MARCHF1: variants seen among roughly 807,000 people sequenced by gnomAD.
MARCHF1 encodes E3 ubiquitin-protein ligase MARCHF1.
Under a neutral mutation model 54.2 loss-of-function variants are expected in MARCHF1, and 40 were observed. That is an observed-to-expected ratio of 0.74 (90% confidence interval 0.57 to 0.96). The LOEUF is 0.96. MARCHF1 is among the 40% of genes least tolerant of loss of function. The pLI, the probability that MARCHF1 is intolerant of heterozygous loss-of-function variation, is 0.00. For missense variants in MARCHF1, 586 were observed against 656.5 expected (o/e 0.89, Z 1.17); for synonymous variants, 236 against 236.3 (o/e 1.00, Z 0.01).
chr4:163,869,967 A>G (rs1036068156), intron 3 of MARCHF1, among the ~76,000 whole-genome samples: 1 of 152,082 alleles, frequency 6.6e-6, no homozygotes, highest in Non-Finnish European at 1.5e-5. Flanking sequence ...AAAATAGTGA[A>G]CTCTCCTGAG....
chr4:164,034,100 T>C (rs914004810), intron 2 of MARCHF1, among the ~76,000 whole-genome samples: 1 of 146,312 alleles, frequency 6.8e-6, no homozygotes, highest in African/African-American at 2.5e-5. Flanking sequence ...GATAGATAGA[T>C]AGATAGATAG....
chr4:164,099,718 A>G (rs986615247), intron 2 of MARCHF1, among the ~76,000 whole-genome samples: 1 of 152,204 alleles, frequency 6.6e-6, no homozygotes, highest in Non-Finnish European at 1.5e-5. Flanking sequence ...TCATGCTTAA[A>G]AAAACCTTTT....
At chr4:163,735,851 T>C (rs41412944) in intron 4 of MARCHF1, among the ~76,000 whole-genome samples, 3,775 of 152,226 alleles carry the variant, frequency 0.025, 159 homozygotes, top group African/African-American at 0.085. Flanking sequence ...AGGATTGGAG[T>C]CTTAAACTAT....
intron 1 of MARCHF1, among the ~76,000 whole-genome samples, chr4:164,246,817 CA>C (rs1732962435): frequency 7.8e-6 from 1 of 128,994 alleles, no homozygotes; most frequent in Non-Finnish European, 1.6e-5. Context: ...AGACACTTCT[CA>C]AAAGAAGACA....
chr4:163,760,722 A>AT (rs1019456388), intron 4 of MARCHF1, among the ~76,000 whole-genome samples: 1 of 152,088 alleles, frequency 6.6e-6, no homozygotes, highest in Non-Finnish European at 1.5e-5. Context: ...AAAAAGCAGT[A>AT]TTTTTTTAAA....
At chr4:164,304,326 A>G (rs556192545) in intron 1 of MARCHF1, among the ~76,000 whole-genome samples, 2 of 152,314 alleles carry the variant, frequency 1.3e-5, no homozygotes, top group Admixed American at 6.5e-5. Context: ...AATCAATCCA[A>G]TAATGTAAAC....
chr4:164,070,750 CTATT>C (rs1560890176), intron 2 of MARCHF1, among the ~76,000 whole-genome samples: 1 of 152,204 alleles, frequency 6.6e-6, no homozygotes, highest in Non-Finnish European at 1.5e-5. Flanking sequence ...GTTACGCAGT[CTATT>C]TATATCAGGT....
intron 1 of MARCHF1, among the ~76,000 whole-genome samples, chr4:164,175,096 C>G (rs896849517): frequency 1.1e-4 from 16 of 152,256 alleles, no homozygotes; most frequent in African/African-American, 3.9e-4. Context: ...CTACACAAAC[C>G]TCAACCTATT....
chr4:163,775,427 C>T (rs963367963), intron 4 of MARCHF1, among the ~76,000 whole-genome samples: 13 of 152,064 alleles, frequency 8.5e-5, no homozygotes, highest in African/African-American at 2.9e-4. Context: ...TACCATGTCC[C>T]CTATGCTTAG....
At chr4:164,231,592 A>ATGAAGGAG (rs1319197950) in intron 1 of MARCHF1, among the ~76,000 whole-genome samples, 1 of 152,138 alleles carries the variant, frequency 6.6e-6, no homozygotes, top group African/African-American at 2.4e-5. Flanking sequence ...AGAAAACAGA[A>ATGAAGGAG]TGAAGGAGTT....
intron 4 of MARCHF1, among the ~76,000 whole-genome samples, chr4:163,843,257 A>G (rs987402576): frequency 5.9e-5 from 9 of 152,098 alleles, no homozygotes; most frequent in Non-Finnish European, 7.4e-5. Context: ...TCGTTATTCA[A>G]TACACCATTG....
At chr4:164,195,487 T>A (rs945609028) in intron 1 of MARCHF1, among the ~76,000 whole-genome samples, 1 of 152,170 alleles carries the variant, frequency 6.6e-6, no homozygotes, top group Non-Finnish European at 1.5e-5. Context: ...TCTTTTTTTA[T>A]CCCCACAATT....
At chr4:163,529,379 A>C (rs954937700) in intron 9 of MARCHF1, among the ~76,000 whole-genome samples, 2 of 152,070 alleles carry the variant, frequency 1.3e-5, no homozygotes, top group Non-Finnish European at 2.9e-5. Flanking sequence ...TATCCCTTAT[A>C]GCTAGACTTT....
chr4:164,101,549 G>A (rs1400878405), intron 2 of MARCHF1, among the ~76,000 whole-genome samples: 3 of 129,536 alleles, frequency 2.3e-5, no homozygotes, highest in Non-Finnish European at 5.1e-5. Flanking sequence ...TGCAGCTGAG[G>A]GTCCTCTCTG....
chr4:163,769,756 A>G lies in MARCHF1; in HGVS notation c.112-68893T>C, dbSNP rs192835336. Among the ~76,000 whole-genome samples, 5 of 152,300 alleles carry G rather than the reference A, an allele frequency of 3.3e-5. No individual in the cohort carries two copies. The East Asian group carries it at 9.6e-4, about 29-fold the overall frequency. ...GGGCACACTTAATTACAAATGAGTA[A>G]TTGCACCATAACCACTTAGAATGGC... is the stretch of plus-strand genomic sequence containing the variant. On this transcript the variant is annotated intron_variant, in intron 4 of 9. Coordinates refer to ENST00000514618, the MANE Select transcript of MARCHF1 (RefSeq NM_001394959.1).
chr4:164,295,261 C>A (rs1470942657), intron 1 of MARCHF1, among the ~76,000 whole-genome samples: 1 of 152,156 alleles, frequency 6.6e-6, no homozygotes, highest in African/African-American at 2.4e-5. Context: ...TTTCTCCTGG[C>A]ACAGGAAGGG....
intron 4 of MARCHF1, among the ~76,000 whole-genome samples, chr4:163,809,911 C>A (rs926032623): frequency 5.3e-5 from 8 of 151,946 alleles, no homozygotes; most frequent in Admixed American, 2.0e-4. Flanking sequence ...ATACTATAAT[C>A]TTTCAGATTC....
intron 5 of MARCHF1, among the ~76,000 whole-genome samples, chr4:163,644,622 G>A (rs1246173379): frequency 1.3e-5 from 2 of 152,104 alleles, no homozygotes; most frequent in Non-Finnish European, 2.9e-5. Flanking sequence ...CCTGTTCAGG[G>A]ATCTGGAGGG....
intron 1 of MARCHF1, among the ~76,000 whole-genome samples, chr4:164,226,403 CA>C (rs143679314): frequency 0.013 from 1,933 of 151,662 alleles, 42 homozygotes; most frequent in African/African-American, 0.043. Context: ...AATGAACAAA[CA>C]AAATAGATTG....
Sources: allele counts gnomAD v4.1 joint callset (sites outside exome capture counted in the v4.1 genomes callset), GRCh38; gene constraint gnomAD v4.1.1; transcripts MANE v1.5; gene names NCBI Gene and HGNC (gene_info 2026-07-23, HGNC 2026-07-21).